The following IGSF11 variants were observed in gnomAD, a reference collection of about 807,000 sequenced individuals.
The protein encoded by IGSF11 is CXADR like 1.
Under a neutral mutation model 41.0 loss-of-function variants are expected in IGSF11, and 22 were observed. The ratio of observed to expected loss-of-function variants is 0.54; its 90% CI spans 0.38 to 0.77. The LOEUF (loss-of-function observed/expected upper bound fraction) is 0.77, where lower values mean the gene tolerates loss of function less well. Ranked by LOEUF, IGSF11 falls within the 30% of genes least tolerant of loss-of-function variation. IGSF11 has a pLI of 0.00. For synonymous variants in IGSF11, 219 were observed against 201.3 expected (o/e 1.09, Z -0.74); for missense variants, 444 against 530.8 (o/e 0.84, Z 1.61).
chr3:119,101,439 G>A (rs2076938753), intron 1 of IGSF11, among the ~76,000 whole-genome samples: 1 of 152,098 alleles, frequency 6.6e-6, no homozygotes, highest in South Asian at 2.1e-4. Flanking sequence ...AATCTGGGAG[G>A]TAGAAGTTGC....
intron 1 of IGSF11, among the ~76,000 whole-genome samples, chr3:119,052,070 C>A (rs1941647291): frequency 6.6e-6 from 1 of 151,642 alleles, no homozygotes; most frequent in Non-Finnish European, 1.5e-5. Context: ...CCTCAAGGAA[C>A]TAGAAAAAAA....
At chr3:119,062,520 T>C (rs1227789510) in intron 1 of IGSF11, among the ~76,000 whole-genome samples, 1 of 152,152 alleles carries the variant, frequency 6.6e-6, no homozygotes, top group Non-Finnish European at 1.5e-5. Flanking sequence ...AACTAAACAA[T>C]CAGATCATGC....
chr3:118,924,625 T>C (rs893305929), intron 4 of IGSF11, among the ~76,000 whole-genome samples: 3 of 152,100 alleles, frequency 2.0e-5, no homozygotes, highest in Admixed American at 2.0e-4. Context: ...GAAAAAAGGA[T>C]ATGATATCAA....
chr3:118,968,150 G>C (rs557948978), intron 1 of IGSF11, among the ~76,000 whole-genome samples: 155 of 152,246 alleles, frequency 1.0e-3, no homozygotes, highest in African/African-American at 3.6e-3. Flanking sequence ...CATGTTTTAT[G>C]GGTCATCCCT....
In IGSF11 at chr3:119,087,467, T is replaced by A. The variant is rs1258991265; in HGVS notation, c.49+17677A>T. Among the ~76,000 whole-genome samples the A allele has an allele frequency of 2.0e-5, 3 of 151,656 alleles. No individual in the cohort carries two copies. In the South Asian group the frequency reaches 6.2e-4, roughly 32 times the overall value. On this transcript the variant is annotated intron_variant, in intron 1 of 6. Coordinates refer to the IGSF11 transcript ENST00000354673. ...CATAAAAAGGAATGAAATAATGACATACACAGCAACCTGGATGGAATTGGA... is the reference window on the plus strand; with the variant it reads ...CATAAAAAGGAATGAAATAATGACAAACACAGCAACCTGGATGGAATTGGA...
At position 119,132,608 on chromosome 3, in the gene IGSF11, C is replaced by T. The variant is rs540698403; in HGVS notation, c.-14+13205G>A. Among the ~76,000 whole-genome samples the T allele has an allele frequency of 3.9e-5, 6 of 152,092 alleles. No homozygotes were observed. In the South Asian group the frequency reaches 8.3e-4, roughly 21 times the overall value. On this transcript the variant is annotated intron_variant, in intron 1 of 7. Transcript: ENST00000425327. ...GAGACCTATAAAAGACTTAGACTCC[C>T]GCATAATAATAATGGGAGACTTTAA...
intron 1 of IGSF11, among the ~76,000 whole-genome samples, chr3:119,085,495 T>A (rs1015358000): frequency 5.3e-5 from 8 of 152,044 alleles, no homozygotes; most frequent in Non-Finnish European, 7.4e-5. Context: ...TCCCCTTACC[T>A]CCAAATGAGC....
chr3:119,057,777 A>T (rs529807690), intron 1 of IGSF11, among the ~76,000 whole-genome samples: 2 of 152,168 alleles, frequency 1.3e-5, no homozygotes, highest in Non-Finnish European at 2.9e-5. Context: ...AAACAGAGAT[A>T]CAGACCAATG....
chr3:119,120,408 A>G (rs950927928), intron 1 of IGSF11, among the ~76,000 whole-genome samples: 3 of 152,238 alleles, frequency 2.0e-5, no homozygotes, highest in African/African-American at 7.2e-5. Context: ...AATTCAGAAC[A>G]TGGACACACA....
chr3:118,921,119 CCTAA>C (rs1395206065), intron 4 of IGSF11, among the ~76,000 whole-genome samples: 2 of 152,180 alleles, frequency 1.3e-5, no homozygotes, highest in Admixed American at 1.3e-4. Context: ...CTCCTCATCC[CCTAA>C]CTAATCTGTC....
intron 2 of IGSF11, 118 bp downstream of exon 2, chr3:118,929,994 C>G (rs907016967): frequency 2.1e-6 from 2 of 959,862 alleles, no homozygotes; most frequent in African/African-American, 3.3e-5. Flanking sequence ...AAAGAGTACA[C>G]GCACATTGAC....
In IGSF11 at chr3:118,927,027, C is replaced by T. The variant is rs917848580; in HGVS notation, c.425-771G>A. ...TGACTTTTCAGTAAATATGTTCACC[C>T]TTTCCAAAATGAATAAATGAATGAA... is the stretch of plus-strand genomic sequence containing the variant. On this transcript the variant is annotated intron_variant, in intron 3 of 6. Transcript: ENST00000393775. 3.3e-5 allele frequency among the ~76,000 whole-genome samples: 5 copies of T among 151,936 alleles called. 1 individual carries two copies. The highest frequency in any genetic ancestry group is 1.9e-4 in the East Asian group (1 of 5,176).
intron 1 of IGSF11, among the ~76,000 whole-genome samples, chr3:119,032,318 A>G (rs1326939524): frequency 6.6e-6 from 1 of 152,118 alleles, no homozygotes; most frequent in Non-Finnish European, 1.5e-5. Flanking sequence ...ATTCATTCAA[A>G]CCAAGTTTGC....
chr3:119,130,997 A>G (rs1384799894), intron 1 of IGSF11, among the ~76,000 whole-genome samples: 2 of 152,190 alleles, frequency 1.3e-5, no homozygotes, highest in African/African-American at 4.8e-5. Flanking sequence ...AGAAAGGAAT[A>G]GAATCAACAT....
chr3:119,031,202 A>G (rs1473876400), intron 1 of IGSF11, among the ~76,000 whole-genome samples: 1 of 152,194 alleles, frequency 6.6e-6, no homozygotes, highest in African/African-American at 2.4e-5. Context: ...GATTGCAGTG[A>G]GCCAAGATGG....
At chr3:118,972,035 A>G (rs1436153324) in intron 1 of IGSF11, among the ~76,000 whole-genome samples, 1 of 152,238 alleles carries the variant, frequency 6.6e-6, no homozygotes, top group Non-Finnish European at 1.5e-5. Context: ...GAAGACAAAT[A>G]TTAGAACAAA....
At chr3:119,003,557 G>A (rs538020267) in intron 1 of IGSF11, among the ~76,000 whole-genome samples, 18 of 151,302 alleles carry the variant, frequency 1.2e-4, no homozygotes, top group Admixed American at 7.9e-4. Flanking sequence ...CAAAGGGAAT[G>A]CTTCCAGTTT....
In IGSF11 at chr3:119,021,357, G is replaced by A. The variant is rs1187386342; in HGVS notation, c.52+13174C>T. On this transcript the variant is annotated intron_variant, in intron 1 of 6. Coordinates refer to ENST00000393775, the MANE Select transcript of IGSF11 (RefSeq NM_001015887.3). ...AGGATATGACAGTGATAAAGATGAT[G>A]GTGACAACAGAGGAAGAGGAAAAAG... 2.6e-5 allele frequency among the ~76,000 whole-genome samples: 4 copies of A among 152,046 alleles called. No homozygotes were observed. The East Asian group carries it at 5.8e-4, about 22-fold the overall frequency.
intron 1 of IGSF11, among the ~76,000 whole-genome samples, chr3:119,028,391 T>C (rs1940030864): frequency 6.6e-6 from 1 of 152,118 alleles, no homozygotes; most frequent in South Asian, 2.1e-4. Context: ...TATAGTAATG[T>C]AGGGAAAAAG....
Sources: allele counts gnomAD v4.1 joint callset (sites outside exome capture counted in the v4.1 genomes callset), GRCh38; gene constraint gnomAD v4.1.1; transcripts MANE v1.5; gene names NCBI Gene and HGNC (gene_info 2026-07-23, HGNC 2026-07-21).